SPINK8: variants seen among roughly 807,000 people sequenced by gnomAD.
SPINK8 encodes serine protease inhibitor Kazal-type 8.
In SPINK8, 12 loss-of-function variants were observed where a neutral mutation model predicts 14.4. The observed-to-expected ratio is 0.83, with a 90% CI of 0.53 to 1.35. The LOEUF (loss-of-function observed/expected upper bound fraction) is 1.35. Among genes scored for constraint, SPINK8 ranks in the 40% most tolerant of loss-of-function variants. The pLI is 0.00. For missense variants in SPINK8, 103 were observed against 117.0 expected, an observed-to-expected ratio of 0.88 and a Z score of 0.55; for synonymous variants, 32 against 37.6, an observed-to-expected ratio of 0.85 and a Z score of 0.55.
chr3:48,315,748 CT>C (rs1489994770), intron 6 of SPINK8, among the ~76,000 whole-genome samples: 1 of 88,254 alleles, frequency 1.1e-5, no homozygotes, highest in Non-Finnish European at 2.5e-5. Flanking sequence ...AAAAAAAGAA[CT>C]GAAGGAAACT....
chr3:48,319,674 G>A (rs913041003), intron 5 of SPINK8, 56 bp from the exon 6 acceptor site: 54 of 1,607,452 alleles, frequency 3.4e-5, no homozygotes, highest in South Asian at 3.1e-4. Context: ...TCCTTTGGCC[G>A]TTATTATGTA....
intron 4 of SPINK8, among the ~76,000 whole-genome samples, chr3:48,324,403 A>G (rs2036112925): frequency 6.6e-6 from 1 of 152,088 alleles, no homozygotes; most frequent in Non-Finnish European, 1.5e-5. Context: ...TCTATTCACA[A>G]AATTATGTCA....
chr3:48,325,897 C>T (rs2036134220), intron 4 of SPINK8, among the ~76,000 whole-genome samples: 1 of 151,428 alleles, frequency 6.6e-6, no homozygotes. Flanking sequence ...CATGCCCAAC[C>T]GTCCTTTCTT....
At chr3:48,307,665 T>C (rs2035868221) in intron 7 of SPINK8, among the ~76,000 whole-genome samples, 1 of 151,998 alleles carries the variant, frequency 6.6e-6, no homozygotes. Flanking sequence ...TTAATGCAAT[T>C]ATATACTCAT....
At chr3:48,326,860 G>A (rs2036153592) in intron 4 of SPINK8, among the ~76,000 whole-genome samples, 1 of 151,646 alleles carries the variant, frequency 6.6e-6, no homozygotes, top group Non-Finnish European at 1.5e-5. Context: ...GCAGTGAGCT[G>A]AGATCACACC....
chr3:48,330,442 C>T lies in SPINK8; in HGVS notation c.-135-1168G>A, dbSNP rs141507627. ...GCTGAGGCATGAGAATCGCTTGAAC[C>T]CAAGAGGCAGAGGTTGCAGTAAGCC... On this transcript the variant is annotated intron_variant, in intron 2 of 7. Transcript: ENST00000434006. Among the ~76,000 whole-genome samples the T allele has an allele frequency of 1.8e-3, 274 of 152,212 alleles. 1 individual carries two copies. The highest frequency in any genetic ancestry group is 3.1e-3 in the African/African-American group (129 of 41,542).
In SPINK8 at chr3:48,326,520, T is replaced by A. The variant is rs2036143643; in HGVS notation, c.67+1755A>T. 2.6e-5 allele frequency among the ~76,000 whole-genome samples: 4 copies of A among 151,778 alleles called. No homozygotes were observed. In the South Asian group the frequency reaches 8.3e-4, roughly 32 times the overall value. ...TACTTGGAAGGCTGAGATGGGAGAA[T>A]CGCTTGAACTTGGGAGGCAGTGGTT... On this transcript the variant is annotated intron_variant, in intron 4 of 7. Coordinates refer to ENST00000434006, the MANE Select transcript of SPINK8 (RefSeq NM_001080525.3).
Position 48,306,930 on chromosome 3 carries a change from A to C in SPINK8, c.*62T>G. On this transcript the variant is annotated 3_prime_UTR_variant, in exon 8 of 8. Coordinates refer to ENST00000434006, the MANE Select transcript of SPINK8 (RefSeq NM_001080525.3). The stretch of plus-strand genomic sequence containing the variant: ...TAAAGGGGATATATTTGAAGAGGCA[A>C]CCATTGTGTTTCACTTGGCAATCTG... 6.4e-7 allele frequency: 1 copy of C among 1,570,072 alleles called. No individual in the cohort carries two copies. The highest frequency in any genetic ancestry group is 1.7e-5 in the Admixed American group (1 of 58,646).
intron 7 of SPINK8, among the ~76,000 whole-genome samples, chr3:48,308,421 C>T (rs1342439221): frequency 6.6e-6 from 1 of 152,092 alleles, no homozygotes; most frequent in Non-Finnish European, 1.5e-5. Flanking sequence ...CAGGTGGTCT[C>T]CTATAGTTAA....
At chr3:48,323,380 T>C (rs2036100877) in intron 4 of SPINK8, among the ~76,000 whole-genome samples, 1 of 152,168 alleles carries the variant, frequency 6.6e-6, no homozygotes, top group Non-Finnish European at 1.5e-5. Flanking sequence ...ATTACAGGCA[T>C]GAGCCACCAC....
chr3:48,323,111 G>A (rs1277085643), intron 4 of SPINK8, among the ~76,000 whole-genome samples: 1 of 152,060 alleles, frequency 6.6e-6, no homozygotes, highest in Admixed American at 6.6e-5. Flanking sequence ...AGCCATCCTA[G>A]TAGGTGTGAA....
At chr3:48,313,181 T>C (rs188751154) in intron 6 of SPINK8, among the ~76,000 whole-genome samples, 10 of 152,228 alleles carry the variant, frequency 6.6e-5, no homozygotes. Flanking sequence ...CAAAGGACAT[T>C]ATCATGAAAG....
intron 4 of SPINK8, among the ~76,000 whole-genome samples, chr3:48,323,041 G>C (rs1236425980): frequency 1.3e-5 from 2 of 152,126 alleles, no homozygotes; most frequent in East Asian, 1.9e-4. Flanking sequence ...AGCAAGGCAC[G>C]ATGGCTTCAA....
chr3:48,315,552 C>T (rs1173895953), intron 6 of SPINK8, among the ~76,000 whole-genome samples: 1 of 151,712 alleles, frequency 6.6e-6, no homozygotes, highest in East Asian at 1.9e-4. Flanking sequence ...GAAATCCTGT[C>T]TTTACTAAAA....
intron 6 of SPINK8, among the ~76,000 whole-genome samples, chr3:48,310,690 G>A (rs965672772): frequency 6.6e-6 from 1 of 151,962 alleles, no homozygotes; most frequent in African/African-American, 2.4e-5. Context: ...GTAGAGACTG[G>A]GTTTCATCAT....
chr3:48,331,818 A>G, intron 2 of SPINK8, among the ~76,000 whole-genome samples: 1 of 152,252 alleles, frequency 6.6e-6, no homozygotes, highest in East Asian at 1.9e-4. Context: ...TCTGGAGGAC[A>G]GTTGTCTGGG....
intron 4 of SPINK8, among the ~76,000 whole-genome samples, chr3:48,327,495 G>A (rs1171508184): frequency 6.6e-6 from 1 of 152,216 alleles, no homozygotes; most frequent in African/African-American, 2.4e-5. Context: ...CCCGACAGAG[G>A]ATGAGACTCA....
chr3:48,318,489 C>T (rs2036024919), intron 6 of SPINK8, among the ~76,000 whole-genome samples: 1 of 152,256 alleles, frequency 6.6e-6, no homozygotes, highest in Non-Finnish European at 1.5e-5. Flanking sequence ...GAGGCCATCT[C>T]TCAGATGTCT....
intron 4 of SPINK8, among the ~76,000 whole-genome samples, chr3:48,326,198 A>G (rs2036139002): frequency 6.6e-6 from 1 of 152,162 alleles, no homozygotes; most frequent in Non-Finnish European, 1.5e-5. Context: ...CATCTTGGCC[A>G]TATCTGTCCA....
Sources: gnomAD v4.1 joint callset for allele counts (sites outside exome capture counted in the v4.1 genomes callset) on GRCh38, gnomAD v4.1.1 for gene constraint, MANE v1.5 for transcripts, NCBI Gene and HGNC (gene_info 2026-07-23, HGNC 2026-07-21) for gene names.